Variants in CDC42SE2 observed in about 807,000 individuals in gnomAD.
CDC42SE2 encodes the protein CDC42 small effector 2, also known as CDC42 small effector protein 2.
In CDC42SE2, 3 loss-of-function variants were observed where a neutral mutation model predicts 11.5. The observed-to-expected ratio is 0.26, with a 90% CI of 0.12 to 0.67. The LOEUF (loss-of-function observed/expected upper bound fraction) is 0.67, where lower values mean the gene tolerates loss of function less well. Ranked by LOEUF, CDC42SE2 falls within the 30% of genes least tolerant of loss-of-function variation. The pLI is 0.80. For missense variants in CDC42SE2, 82 were observed against 106.8 expected, an observed-to-expected ratio of 0.77 and a Z score of 1.02; for synonymous variants, 33 against 34.8, an observed-to-expected ratio of 0.95 and a Z score of 0.18.
intron 2 of CDC42SE2, among the ~76,000 whole-genome samples, chr5:131,346,790 T>G (rs557274648): frequency 1.7e-4 from 26 of 152,082 alleles, no homozygotes; most frequent in African/African-American, 6.0e-4. Flanking sequence ...GAACAGAAAT[T>G]ATAACAAACT....
intron 3 of CDC42SE2, among the ~76,000 whole-genome samples, chr5:131,384,215 T>TTCTA (rs766374717): frequency 3.3e-5 from 5 of 152,218 alleles, no homozygotes; most frequent in Non-Finnish European, 7.3e-5. Context: ...TGGTTGTTGT[T>TTCTA]TCTATCTATG....
intron 2 of CDC42SE2, among the ~76,000 whole-genome samples, chr5:131,358,187 A>G (rs1234232769): frequency 1.3e-5 from 2 of 152,218 alleles, no homozygotes; most frequent in African/African-American, 2.4e-5. Context: ...TTGGCTTCAG[A>G]TTTATATATC....
At chr5:131,230,343 C>G in the CDC42SE2 span, among the ~76,000 whole-genome samples, 2 of 152,114 alleles carry the variant, frequency 1.3e-5, no homozygotes, top group African/African-American at 4.8e-5. Context: ...TACTGGATAC[C>G]TATTTCAATT....
At chr5:131,303,669 A>G (rs1757727209) in intron 1 of CDC42SE2, among the ~76,000 whole-genome samples, 1 of 152,202 alleles carries the variant, frequency 6.6e-6, no homozygotes, top group South Asian at 2.1e-4. Flanking sequence ...CAGATACCCT[A>G]AGGCAGGACA....
At chr5:131,234,595 C>T in the CDC42SE2 span, among the ~76,000 whole-genome samples, 1 of 148,978 alleles carries the variant, frequency 6.7e-6, no homozygotes, top group African/African-American at 2.5e-5. Context: ...AAGATCGTGC[C>T]ACTGCACTCC....
intron 2 of CDC42SE2, among the ~76,000 whole-genome samples, chr5:131,348,982 A>G (rs928809796): frequency 6.6e-6 from 1 of 152,168 alleles, no homozygotes; most frequent in African/African-American, 2.4e-5. Flanking sequence ...CCTATACAAA[A>G]ATTAATTCAA....
At chr5:131,385,295 G>A (rs548199799) in intron 3 of CDC42SE2, among the ~76,000 whole-genome samples, 1 of 152,270 alleles carries the variant, frequency 6.6e-6, no homozygotes, top group South Asian at 2.1e-4. Context: ...TATTAAATAT[G>A]TGGATGACCA....
At chr5:131,347,995 C>G (rs1276065378) in intron 2 of CDC42SE2, among the ~76,000 whole-genome samples, 1 of 152,138 alleles carries the variant, frequency 6.6e-6, no homozygotes, top group Non-Finnish European at 1.5e-5. Flanking sequence ...GGACGTATCT[C>G]AAAATAATAA....
chr5:131,227,389 C>T, the CDC42SE2 span, among the ~76,000 whole-genome samples: 2 of 152,052 alleles, frequency 1.3e-5, no homozygotes, highest in Non-Finnish European at 2.9e-5. Flanking sequence ...AATCTCAGCA[C>T]TTTGGGAGAC....
intron 1 of CDC42SE2, among the ~76,000 whole-genome samples, chr5:131,302,661 A>G (rs1757708222): frequency 6.6e-6 from 1 of 152,132 alleles, no homozygotes; most frequent in South Asian, 2.1e-4. Flanking sequence ...TCCTTCAGCC[A>G]TATTCTTTGT....
At chr5:131,278,712 CTCCCCTCCCCTCCCCCCTCCCCTCCCCT>C in intron 1 of CDC42SE2, among the ~76,000 whole-genome samples, 1 of 42,430 alleles carries the variant, frequency 2.4e-5, no homozygotes, top group East Asian at 7.9e-4. Context: ...TTCCTTTCCT[CTCCCCTCCCCTCCCCCCTCCCCTCCCCT>C]CCCCCTCCCC....
intron 1 of CDC42SE2, among the ~76,000 whole-genome samples, chr5:131,294,240 C>G (rs1478602823): frequency 6.6e-6 from 1 of 152,108 alleles, no homozygotes; most frequent in Non-Finnish European, 1.5e-5. Context: ...ATCTGATATA[C>G]TCTGTGATCC....
chr5:131,240,970 T>G (rs1756535850), upstream of CDC42SE2, among the ~76,000 whole-genome samples: 1 of 151,952 alleles, frequency 6.6e-6, no homozygotes, highest in South Asian at 2.1e-4. Context: ...GTTTTTGTTT[T>G]TGTTTTTGTT....
chr5:131,361,600 T>C (rs114047699), intron 3 of CDC42SE2, among the ~76,000 whole-genome samples: 5,243 of 152,284 alleles, frequency 0.034, 308 homozygotes, highest in African/African-American at 0.12. Flanking sequence ...TTAGACCCTC[T>C]ACCTTGTCAC....
At chr5:131,258,723 A>C (rs1056686154) in intron 2 of CDC42SE2, among the ~76,000 whole-genome samples, 3 of 152,186 alleles carry the variant, frequency 2.0e-5, no homozygotes, top group Admixed American at 2.0e-4. Context: ...TACCTTCTTC[A>C]CAGAGACCCA....
At chr5:131,300,782 CAAA>C (rs1436586334) in intron 1 of CDC42SE2, among the ~76,000 whole-genome samples, 3 of 87,428 alleles carry the variant, frequency 3.4e-5, no homozygotes, top group South Asian at 3.7e-4. Context: ...GACTCCGTCT[CAAA>C]AAAAAAAAAA....
chr5:131,388,057 G>C (rs558060240), intron 4 of CDC42SE2, among the ~76,000 whole-genome samples: 1 of 152,164 alleles, frequency 6.6e-6, no homozygotes, highest in South Asian at 2.1e-4. Context: ...GAGTGCAGTG[G>C]TGCAATCTCA....
the CDC42SE2 span, among the ~76,000 whole-genome samples, chr5:131,217,940 C>T: frequency 3.3e-5 from 5 of 151,920 alleles, no homozygotes; most frequent in African/African-American, 1.2e-4. Context: ...TTTGAGAGGC[C>T]GAGGCGGGTG....
intron 2 of CDC42SE2, among the ~76,000 whole-genome samples, chr5:131,325,342 T>C (rs572689948): frequency 6.6e-6 from 1 of 152,338 alleles, no homozygotes; most frequent in African/African-American, 2.4e-5. Flanking sequence ...TGAATAGATA[T>C]GAAATGGTAG....
Sources: allele counts gnomAD v4.1 joint callset (sites outside exome capture counted in the v4.1 genomes callset), GRCh38; gene constraint gnomAD v4.1.1; transcripts MANE v1.5; gene names NCBI Gene and HGNC (gene_info 2026-07-23, HGNC 2026-07-21).